MRTFA: variants seen among roughly 807,000 people sequenced by gnomAD.
MRTFA encodes the protein myocardin-related transcription factor A.
In MRTFA, 20 loss-of-function variants were observed where a neutral mutation model predicts 83.5. The observed-to-expected ratio is 0.24, with a 90% CI of 0.17 to 0.35. The LOEUF is 0.35. Among genes scored for constraint, MRTFA ranks in the 10% least tolerant of loss-of-function variants. The probability of loss-of-function intolerance (pLI) is 1.00; values close to 1 mark genes in which losing one functional copy is unlikely to be tolerated. For missense variants in MRTFA, 1,200 were observed against 1,224.7 expected, an observed-to-expected ratio of 0.98 and a Z score of 0.30; for synonymous variants, 659 against 541.2, an observed-to-expected ratio of 1.22 and a Z score of -3.02.
chr22:40,621,940 T>C (rs771848522), intron 1 of MRTFA, among the ~76,000 whole-genome samples: 46 of 152,302 alleles, frequency 3.0e-4, no homozygotes, highest in Non-Finnish European at 4.3e-4. Context: ...ATTTAGATAA[T>C]GAGACTTTAA....
At chr22:40,519,390 C>A (rs1239452753) in intron 3 of MRTFA, 1 of 1,308,522 alleles carries the variant, frequency 7.6e-7, no homozygotes, top group Non-Finnish European at 1.0e-6. Flanking sequence ...TGTAATATTT[C>A]ATTTAGTCAG....
intron 3 of MRTFA, among the ~76,000 whole-genome samples, chr22:40,474,640 G>C (rs142347531): frequency 1.0e-3 from 157 of 149,622 alleles, no homozygotes; most frequent in African/African-American, 3.7e-3. Context: ...AGGGCCTACT[G>C]TATGCCAGAT....
At position 40,499,582 on chromosome 22, in the gene MRTFA, C is replaced by T. The variant is rs556587611; in HGVS notation, c.242-36296G>A. 2.6e-5 allele frequency among the ~76,000 whole-genome samples: 4 copies of T among 152,162 alleles called. No homozygotes were observed. In the East Asian group the frequency reaches 7.7e-4, roughly 29 times the overall value. ...GAAAACTTTTTTAAAATTTTAATAC[C>T]TCCTTATCTGTGAAAAAAAAATTTT... is the stretch of plus-strand genomic sequence containing the variant. On this transcript the variant is annotated intron_variant, in intron 3 of 14. Transcript: ENST00000355630.
Position 40,632,162 on chromosome 22 carries a change from A to C in MRTFA, c.-84+4316T>G, listed in dbSNP as rs920214348. ...TTCATGCGGAGAGGCCCACATGAAG[A>C]GGAATTGAGATCTCCCACCAACAGC... On this transcript the variant is annotated intron_variant, in intron 1 of 14. Transcript: ENST00000355630. Among the ~76,000 whole-genome samples the C allele has an allele frequency of 5.3e-5, 8 of 152,210 alleles. No homozygotes were observed. The South Asian group carries it at 1.7e-3, about 31-fold the overall frequency.
intron 3 of MRTFA, among the ~76,000 whole-genome samples, chr22:40,501,022 G>T (rs796755259): frequency 2.6e-4 from 15 of 56,702 alleles, no homozygotes; most frequent in Non-Finnish European, 4.9e-4. Context: ...CGGGCGGGGG[G>T]CTGACCCCCC....
At chr22:40,441,342 G>T (rs2053270004) in intron 4 of MRTFA, among the ~76,000 whole-genome samples, 1 of 152,206 alleles carries the variant, frequency 6.6e-6, no homozygotes, top group South Asian at 2.1e-4. Context: ...CCCCTGGCTG[G>T]CTACAACTAC....
chr22:40,545,186 A>G (rs1402175659), intron 3 of MRTFA, among the ~76,000 whole-genome samples: 5 of 152,170 alleles, frequency 3.3e-5, no homozygotes, highest in Non-Finnish European at 5.9e-5. Flanking sequence ...AGCCCTGGCT[A>G]GATAGGATCC....
chr22:40,445,071 A>C (rs1433956589), intron 4 of MRTFA, among the ~76,000 whole-genome samples: 1 of 152,154 alleles, frequency 6.6e-6, no homozygotes, highest in Admixed American at 6.5e-5. Flanking sequence ...TGTCTCAAAT[A>C]AATAAATAAA....
intron 3 of MRTFA, among the ~76,000 whole-genome samples, chr22:40,465,873 G>A (rs1935091559): frequency 1.3e-5 from 2 of 152,048 alleles, no homozygotes; most frequent in Admixed American, 1.3e-4. Flanking sequence ...GCCAAGATAG[G>A]TATTATTAAT....
At chr22:40,537,736 AC>A (rs2055208214) in intron 3 of MRTFA, among the ~76,000 whole-genome samples, 1 of 18,640 alleles carries the variant, frequency 5.4e-5, no homozygotes, top group East Asian at 2.2e-3. Flanking sequence ...CAGCCCCCCC[AC>A]CCGGCCAGTC....
chr22:40,491,477 GTTATT>G (rs1330315076), intron 3 of MRTFA, among the ~76,000 whole-genome samples: 2 of 152,102 alleles, frequency 1.3e-5, no homozygotes, highest in African/African-American at 2.4e-5. Context: ...CCTTCCAAGT[GTTATT>G]TTATTTTAAA....
chr22:40,539,234 AAG>A, intron 3 of MRTFA, among the ~76,000 whole-genome samples: 7 of 151,748 alleles, frequency 4.6e-5, no homozygotes, highest in African/African-American at 1.7e-4. Flanking sequence ...TCCTGGCCTC[AAG>A]TGATCCACCA....
intron 3 of MRTFA, among the ~76,000 whole-genome samples, chr22:40,517,580 AG>A (rs1356827249): frequency 6.6e-6 from 1 of 152,184 alleles, no homozygotes; most frequent in Non-Finnish European, 1.5e-5. Flanking sequence ...AATATACGTA[AG>A]GAGCTTGGTA....
chr22:40,534,921 A>T (rs1195936819), intron 3 of MRTFA, among the ~76,000 whole-genome samples: 1 of 152,248 alleles, frequency 6.6e-6, no homozygotes, highest in Admixed American at 6.5e-5. Context: ...AAGAGAGAAA[A>T]TAGTCTCAGA....
At chr22:40,474,845 T>G (rs2053966304) in intron 3 of MRTFA, among the ~76,000 whole-genome samples, 1 of 152,200 alleles carries the variant, frequency 6.6e-6, no homozygotes, top group Non-Finnish European at 1.5e-5. Context: ...GGCTTTTTTT[T>G]CTTTCTTTCC....
intron 1 of MRTFA, among the ~76,000 whole-genome samples, chr22:40,614,518 C>T (rs1241858318): frequency 1.3e-5 from 2 of 151,998 alleles, no homozygotes; most frequent in Non-Finnish European, 2.9e-5. Flanking sequence ...GACGGAGTTT[C>T]GCTCTCGTTA....
intron 3 of MRTFA, among the ~76,000 whole-genome samples, chr22:40,481,846 G>C (rs1216243132): frequency 6.6e-6 from 1 of 152,058 alleles, no homozygotes; most frequent in African/African-American, 2.4e-5. Flanking sequence ...AGATCACAAG[G>C]TCAGGAGATC....
chr22:40,488,168 G>A (rs2054204588), intron 3 of MRTFA, among the ~76,000 whole-genome samples: 2 of 152,124 alleles, frequency 1.3e-5, no homozygotes, highest in African/African-American at 2.4e-5. Context: ...GCTTCACAGG[G>A]CAACAGCATA....
intron 3 of MRTFA, among the ~76,000 whole-genome samples, chr22:40,543,966 G>A (rs1348482672): frequency 6.6e-6 from 1 of 152,070 alleles, no homozygotes; most frequent in Non-Finnish European, 1.5e-5. Flanking sequence ...AAACTGTGAG[G>A]GCAGGAATAC....
Sources: gnomAD v4.1 joint callset for allele counts (sites outside exome capture counted in the v4.1 genomes callset) on GRCh38, gnomAD v4.1.1 for gene constraint, MANE v1.5 for transcripts, NCBI Gene and HGNC (gene_info 2026-07-23, HGNC 2026-07-21) for gene names.